The following NIPBL variants were observed in gnomAD, a reference collection of about 807,000 sequenced individuals.
NIPBL encodes nipped-B-like protein.
In NIPBL, 19 loss-of-function variants were observed where a neutral mutation model predicts 321.8. The observed-to-expected ratio is 0.06, with a 90% CI of 0.04 to 0.09. The LOEUF is 0.09. Ranked by LOEUF, NIPBL falls within the 10% of genes least tolerant of loss-of-function variation. NIPBL has a pLI of 1.00. For missense variants in NIPBL, 2,210 were observed against 3,327.0 expected (o/e 0.66, Z 8.26); for synonymous variants, 1,106 against 1,114.1 (o/e 0.99, Z 0.14).
chr5:36,962,245 G>A lies in NIPBL; in HGVS notation c.581G>A (p.Ser194Asn), dbSNP rs1051015636. The change falls in exon 6 of 47, where the codon AGT (serine) becomes AAT (asparagine). Residue 194 changes from serine (S) to asparagine (N), a missense_variant. This residue lies in a region of NIPBL where 464 missense variants were observed against 529.5 expected (regional missense o/e 0.88). Coordinates refer to ENST00000282516, the MANE Select transcript of NIPBL (RefSeq NM_133433.4). ...TACATGCCATATTCCCATCCTTCAA[G>A]TTACACAACACATCCACAGATGCAA... The part of the protein sequence containing the change: ...AGYMPYSHPS[S>N]YTTHPQMQQA... 3 of 1,613,890 alleles carry A rather than the reference G, an allele frequency of 1.9e-6. No individual in the cohort carries two copies. The highest frequency in any genetic ancestry group is 2.5e-6 in the Non-Finnish European group (3 of 1,179,956).
chr5:36,919,301 A>G (rs1387423237), intron 1 of NIPBL, among the ~76,000 whole-genome samples: 3 of 152,036 alleles, frequency 2.0e-5, no homozygotes, highest in Admixed American at 6.6e-5. Context: ...GCCCTTCCAT[A>G]TATTTCAGTT....
At chr5:37,001,888 T>C (rs1182763896) in intron 14 of NIPBL, among the ~76,000 whole-genome samples, 1 of 152,158 alleles carries the variant, frequency 6.6e-6, no homozygotes, top group Admixed American at 6.5e-5. Context: ...AGTATTTGTT[T>C]TGTGAGAATT....
intron 1 of NIPBL, among the ~76,000 whole-genome samples, chr5:36,947,394 C>T (rs999652501): frequency 6.6e-6 from 1 of 152,036 alleles, no homozygotes; most frequent in Admixed American, 6.6e-5. Context: ...CTTCCATCCT[C>T]TGTCTCTTTC....
chr5:36,914,598 T>G (rs565036998), intron 1 of NIPBL, among the ~76,000 whole-genome samples: 1 of 152,326 alleles, frequency 6.6e-6, no homozygotes, highest in Non-Finnish European at 1.5e-5. Context: ...ATTTTGTGTT[T>G]AGACTTGGGT....
At chr5:36,887,036 T>G (rs1298310094) in intron 1 of NIPBL, among the ~76,000 whole-genome samples, 1 of 152,150 alleles carries the variant, frequency 6.6e-6, no homozygotes, top group Non-Finnish European at 1.5e-5. Context: ...GATATTTCTC[T>G]CAGATTTTGG....
chr5:37,036,135 G>C (rs1376957839), intron 32 of NIPBL, among the ~76,000 whole-genome samples: 1 of 151,726 alleles, frequency 6.6e-6, no homozygotes, highest in Non-Finnish European at 1.5e-5. Flanking sequence ...GTACTTTGTA[G>C]TAAAATTGTT....
At chr5:36,959,042 C>CA (rs1217324759) in intron 4 of NIPBL, among the ~76,000 whole-genome samples, 8 of 151,688 alleles carry the variant, frequency 5.3e-5, no homozygotes, top group Non-Finnish European at 1.0e-4. Flanking sequence ...CCTGTCTCTA[C>CA]AAAAAAATAC....
In NIPBL at chr5:37,026,347, G is replaced by C. The variant is rs201613717; in HGVS notation, c.5808+20G>C. On this transcript the variant is annotated intron_variant, in intron 31 of 46. Transcript: ENST00000282516. ...GATGTGGTAAGAAGGACTGGAACAA[G>C]GGTGTGGTCACTGTTGATCCAGACC... The C allele has an allele frequency of 2.7e-5, 39 of 1,431,652 alleles. 1 individual carries two copies. The East Asian group carries it at 8.0e-4, about 29-fold the overall frequency. The allele number at this position is 1,431,652 out of a possible 1,614,324, so 88.7% of individuals were successfully genotyped here. A position where few individuals can be genotyped will look rare whatever the true frequency, so the allele number is the denominator to read the frequency against.
chr5:36,897,885 A>AG (rs1235497119), intron 1 of NIPBL, among the ~76,000 whole-genome samples: 3 of 144,326 alleles, frequency 2.1e-5, no homozygotes, highest in Admixed American at 7.2e-5. Flanking sequence ...TGAGTCATAC[A>AG]GGGAAAAAAA....
At chr5:36,918,366 A>G (rs1370058861) in intron 1 of NIPBL, among the ~76,000 whole-genome samples, 7 of 152,136 alleles carry the variant, frequency 4.6e-5, no homozygotes, top group African/African-American at 1.7e-4. Context: ...ATTTTTGCAC[A>G]TTGATTTTGT....
At chr5:36,977,615 T>TA (rs1422213068) in intron 9 of NIPBL, among the ~76,000 whole-genome samples, 2 of 151,000 alleles carry the variant, frequency 1.3e-5, no homozygotes, top group African/African-American at 4.9e-5. Flanking sequence ...TTTTTTTTTT[T>TA]AATATAGATT....
intron 11 of NIPBL, among the ~76,000 whole-genome samples, chr5:36,998,920 A>G (rs571948980): frequency 6.6e-6 from 1 of 152,308 alleles, no homozygotes; most frequent in African/African-American, 2.4e-5. Context: ...CTAATTATGA[A>G]GAAAATCTCA....
intron 21 of NIPBL, among the ~76,000 whole-genome samples, chr5:37,012,316 A>ATT (rs752962035): frequency 3.7e-5 from 5 of 134,686 alleles, no homozygotes; most frequent in African/African-American, 1.4e-4. Context: ...TGCCGGGCTA[A>ATT]TTTTTTTTTT....
intron 42 of NIPBL, among the ~76,000 whole-genome samples, chr5:37,056,727 A>G (rs1450481647): frequency 1.3e-5 from 2 of 151,698 alleles, no homozygotes; most frequent in African/African-American, 4.8e-5. Flanking sequence ...TATAGGTTAA[A>G]CTCTTAGTAG....
chr5:37,019,348 A>C lies in NIPBL; in HGVS notation c.4958A>C (p.Lys1653Thr). 1 of 1,613,280 alleles carries C rather than the reference A, an allele frequency of 6.2e-7. No homozygotes were observed. The highest frequency in any genetic ancestry group is 8.5e-7 in the Non-Finnish European group (1 of 1,179,424). ...GAAGATGAAATCCAACAATTACAAA[A>C]AGCATTGCTTGATTACTTGGATGAA... ...GGEDEIQQLQ[K>T]ALLDYLDENT... Residue 1653 changes from lysine (K) to threonine (T), a missense_variant, in exon 25 of 47, where the codon AAA becomes ACA. Physicochemically the swap from Lys to Thr is moderately conservative, Grantham distance 78. Around this residue, in one of 14 missense-constraint regions of NIPBL, gnomAD observed 138 missense variants for 175.8 expected, o/e 0.79. Transcript: ENST00000282516.
intron 1 of NIPBL, among the ~76,000 whole-genome samples, chr5:36,941,795 A>G (rs2149584202): frequency 6.6e-6 from 1 of 152,276 alleles, no homozygotes; most frequent in South Asian, 2.1e-4. Context: ...TTTCTAATGA[A>G]AAATTGATAT....
chr5:36,876,833 C>G lies in NIPBL; in HGVS notation c.-425C>G. On this transcript the variant is annotated 5_prime_UTR_variant, in exon 1 of 47. Transcript: ENST00000282516. ...ACACACAGGGCTCCTTCCCCCCGCC[C>G]TCCCCCCCCTCCCTCCGTCGGTACC... is the stretch of plus-strand genomic sequence containing the variant. The G allele has an allele frequency of 5.2e-6, 1 of 193,732 alleles. No homozygotes were observed. The allele number at this position is 193,732 out of a possible 1,614,324, so 12.0% of individuals were successfully genotyped here.
intron 1 of NIPBL, among the ~76,000 whole-genome samples, chr5:36,937,387 A>T (rs1379925300): frequency 6.6e-6 from 1 of 152,196 alleles, no homozygotes; most frequent in Non-Finnish European, 1.5e-5. Context: ...GTATTAATAG[A>T]GGACTGACTA....
chr5:36,947,873 C>G (rs1739861430), intron 1 of NIPBL, among the ~76,000 whole-genome samples: 1 of 151,798 alleles, frequency 6.6e-6, no homozygotes, highest in Admixed American at 6.6e-5. Flanking sequence ...ATGCCTAGAC[C>G]ATCATTTTTA....
Sources: allele counts gnomAD v4.1 joint callset (sites outside exome capture counted in the v4.1 genomes callset), GRCh38; gene constraint gnomAD v4.1.1; regional missense constraint gnomAD v4.1.1; transcripts MANE v1.5; gene names NCBI Gene and HGNC (gene_info 2026-07-23, HGNC 2026-07-21).